RAPGEF6: variants seen among roughly 807,000 people sequenced by gnomAD.
The protein encoded by RAPGEF6 is PDZ domain containing guanine nucleotide exchange factor (GEF) 2.
A neutral mutation model predicts 171.4 loss-of-function variants in RAPGEF6; 56 were observed. The observed-to-expected ratio is 0.33, with a 90% CI of 0.26 to 0.41. RAPGEF6 has a LOEUF of 0.41. Ranked by LOEUF, RAPGEF6 falls within the 10% of genes least tolerant of loss-of-function variation. The probability of loss-of-function intolerance (pLI) is 1.00; values close to 1 mark genes in which losing one functional copy is unlikely to be tolerated. For missense variants in RAPGEF6, 1,674 were observed against 1,921.4 expected, an observed-to-expected ratio of 0.87 and a Z score of 2.41; for synonymous variants, 692 against 650.1, an observed-to-expected ratio of 1.06 and a Z score of -0.98.
At chr5:131,567,067 C>G (rs1761992499) in intron 4 of RAPGEF6, among the ~76,000 whole-genome samples, 1 of 147,106 alleles carries the variant, frequency 6.8e-6, no homozygotes, top group Admixed American at 6.9e-5. Context: ...GCACTCCAGC[C>G]TGGGCGACAA....
At chr5:131,505,635 T>A in intron 9 of RAPGEF6, 113 bp from the exon 10 acceptor site, 2 of 933,970 alleles carry the variant, frequency 2.1e-6, no homozygotes, top group Non-Finnish European at 3.1e-6. Context: ...AAAAGGAGGA[T>A]CTGGTTATAT....
chr5:131,549,910 CTA>C (rs1760811717), intron 5 of RAPGEF6, among the ~76,000 whole-genome samples: 1 of 152,122 alleles, frequency 6.6e-6, no homozygotes, highest in East Asian at 1.9e-4. Flanking sequence ...TTGTTCCCCT[CTA>C]TGTGTCCATG....
intron 1 of RAPGEF6, among the ~76,000 whole-genome samples, chr5:131,607,234 T>C (rs1052001405): frequency 6.6e-6 from 1 of 152,178 alleles, no homozygotes; most frequent in African/African-American, 2.4e-5. Context: ...GGGCACAGAA[T>C]AAAGACTAGT....
chr5:131,548,299 A>G (rs1760684423), intron 5 of RAPGEF6, 109 bp from the exon 6 acceptor site: 1 of 1,086,008 alleles, frequency 9.2e-7, no homozygotes, highest in Non-Finnish European at 1.3e-6. Flanking sequence ...TTCTTACAAG[A>G]AACTGCCTCA....
intron 6 of RAPGEF6, among the ~76,000 whole-genome samples, chr5:131,542,495 T>C (rs996160509): frequency 1.3e-5 from 2 of 152,202 alleles, no homozygotes; most frequent in Non-Finnish European, 2.9e-5. Context: ...TTATTTTCTT[T>C]GGCAGGCAAT....
intron 5 of RAPGEF6, among the ~76,000 whole-genome samples, chr5:131,556,258 G>C (rs1275180011): frequency 6.6e-6 from 1 of 152,108 alleles, no homozygotes; most frequent in Admixed American, 6.5e-5. Flanking sequence ...TGACCAACAT[G>C]GTGAAACTCA....
chr5:131,618,111 A>T (rs1765383384), intron 1 of RAPGEF6, among the ~76,000 whole-genome samples: 2 of 152,238 alleles, frequency 1.3e-5, no homozygotes, highest in Admixed American at 1.3e-4. Context: ...GAAAGCAAAA[A>T]AGTACTTAAA....
At chr5:131,539,144 A>G (rs977737346) in intron 6 of RAPGEF6, among the ~76,000 whole-genome samples, 1 of 152,194 alleles carries the variant, frequency 6.6e-6, no homozygotes, top group Admixed American at 6.5e-5. Flanking sequence ...ATCAGCATTC[A>G]CTGTCTTATA....
chr5:131,469,100 T>C (rs1179246446), intron 17 of RAPGEF6, among the ~76,000 whole-genome samples: 5 of 152,192 alleles, frequency 3.3e-5, no homozygotes, highest in African/African-American at 7.2e-5. Flanking sequence ...GTTTAAAAAT[T>C]TGTGGTAGAA....
intron 5 of RAPGEF6, among the ~76,000 whole-genome samples, chr5:131,561,736 G>C (rs1761616709): frequency 6.6e-6 from 1 of 151,632 alleles, no homozygotes. Flanking sequence ...CTGGTAGAAG[G>C]GGGTAAAAAA....
intron 1 of RAPGEF6, among the ~76,000 whole-genome samples, chr5:131,627,215 C>A (rs562225896): frequency 2.0e-5 from 3 of 152,274 alleles, no homozygotes; most frequent in African/African-American, 7.2e-5. Flanking sequence ...CAATTTAGGA[C>A]AAGTGGTTGA....
Position 131,489,604 on chromosome 5 carries a change from G to T in RAPGEF6, c.1782C>A (p.Ala594=). The change falls in exon 15 of 28, where the codon GCC becomes GCA. Residue 594 remains alanine (A), a synonymous_variant. Transcript: ENST00000509018. ...GAGTATTATTCCTCAAAATTTCAACGGCTTTCATAAATGTAATATTCTCAA... is the reference window on the plus strand; with the variant it reads ...GAGTATTATTCCTCAAAATTTCAACTGCTTTCATAAATGTAATATTCTCAA... ...QNFENITFMK[A]VEILRNNTHL... 1 of 1,597,584 alleles carries T rather than the reference G, an allele frequency of 6.3e-7. No homozygotes were observed. Among genetic ancestry groups the T allele is most frequent in the Admixed American group, 1.8e-5 (1 of 57,066 alleles).
chr5:131,631,772 C>A (rs1026790964), intron 1 of RAPGEF6, among the ~76,000 whole-genome samples: 2 of 152,052 alleles, frequency 1.3e-5, no homozygotes, highest in African/African-American at 2.4e-5. Context: ...TATAGTGAGA[C>A]CCTCTTTAAA....
At chr5:131,514,718 G>C (rs1757962874) in intron 7 of RAPGEF6, among the ~76,000 whole-genome samples, 1 of 151,338 alleles carries the variant, frequency 6.6e-6, no homozygotes, top group Admixed American at 6.6e-5. Context: ...GTAGAGATGA[G>C]AAAAAAGCCA....
intron 1 of RAPGEF6, among the ~76,000 whole-genome samples, chr5:131,626,837 C>T (rs1183782319): frequency 2.0e-5 from 3 of 152,050 alleles, no homozygotes; most frequent in African/African-American, 7.2e-5. Flanking sequence ...ACCTGTTACT[C>T]TGAAATAAAT....
intron 3 of RAPGEF6, among the ~76,000 whole-genome samples, chr5:131,595,692 C>T (rs914426812): frequency 2.0e-5 from 3 of 151,774 alleles, no homozygotes; most frequent in Non-Finnish European, 4.4e-5. Flanking sequence ...ACCAGAAAAC[C>T]ATTAACACAA....
intron 5 of RAPGEF6, among the ~76,000 whole-genome samples, chr5:131,550,071 ATT>A (rs1296640680): frequency 6.6e-6 from 1 of 152,100 alleles, no homozygotes; most frequent in Non-Finnish European, 1.5e-5. Flanking sequence ...CTTTGGTTCA[ATT>A]CTCTCTCAGA....
At position 131,429,052 on chromosome 5, in the gene RAPGEF6, T is replaced by G; in HGVS notation, c.4630A>C (p.Asn1544His). The change falls in exon 27 of 28, where the codon AAC (asparagine) becomes CAC (histidine). Residue 1544 changes from asparagine (N) to histidine (H), a missense_variant. Transcript: ENST00000509018. ...GCTGGTGGCAGTCTAGAGAGGCTGT[T>G]ATGCATCATCTTTGACCTCTGCACT... The part of the protein sequence containing the change: ...VAVQRSKMMH[N>H]SLSRLPPASL... The G allele has an allele frequency of 6.2e-7, 1 of 1,614,192 alleles. No individual in the cohort carries two copies.
rs1393715538 is a variant in RAPGEF6, at chr5:131,472,625, T to G, written c.2201A>C (p.Gln734Pro). The G allele has an allele frequency of 6.2e-7, 1 of 1,614,100 alleles. No homozygotes were observed. The highest frequency in any genetic ancestry group is 1.3e-5 in the African/African-American group (1 of 75,038). The part of the protein sequence containing the change: ...TLSSSSPDLL[Q>P]PTTSMLDFSN... The stretch of plus-strand genomic sequence containing the variant: ...AAAATCCAACATACTGGTGGTAGGC[T>G]GCAGGAGATCAGGGCTGCTGGATGA... The change falls in exon 17 of 28, where the codon CAG (glutamine) becomes CCG (proline). Residue 734 changes from glutamine to proline, a missense_variant. Physicochemically the swap from Gln to Pro is moderately conservative, Grantham distance 76 (BLOSUM62 -1). This residue lies in a region of RAPGEF6 where 1,116 missense variants were observed against 1,321.5 expected (regional missense o/e 0.84). Coordinates refer to ENST00000509018, the MANE Select transcript of RAPGEF6 (RefSeq NM_016340.6).
Sources: allele counts gnomAD v4.1 joint callset (sites outside exome capture counted in the v4.1 genomes callset), GRCh38; gene constraint gnomAD v4.1.1; regional missense constraint gnomAD v4.1.1; transcripts MANE v1.5; gene names NCBI Gene and HGNC (gene_info 2026-07-23, HGNC 2026-07-21).